Variants in CSNK1G3 observed in about 807,000 individuals in gnomAD.
The protein encoded by CSNK1G3 is casein kinase I isoform gamma-3.
A neutral mutation model predicts 64.3 loss-of-function variants in CSNK1G3; 23 were observed. The observed-to-expected ratio is 0.36, with a 90% CI of 0.26 to 0.51. The LOEUF (loss-of-function observed/expected upper bound fraction) is 0.51. CSNK1G3 is among the 20% of genes least tolerant of loss of function. CSNK1G3 has a pLI of 0.96. For synonymous variants in CSNK1G3, 158 were observed against 162.2 expected, an observed-to-expected ratio of 0.97 and a Z score of 0.20; for missense variants, 357 against 510.5, an observed-to-expected ratio of 0.70 and a Z score of 2.90.
At chr5:123,516,552 G>A (rs970418270) in intron 1 of CSNK1G3, among the ~76,000 whole-genome samples, 7 of 152,052 alleles carry the variant, frequency 4.6e-5, no homozygotes, top group African/African-American at 1.7e-4. Flanking sequence ...CATAGTGATT[G>A]GTTATACTCT....
intron 6 of CSNK1G3, among the ~76,000 whole-genome samples, chr5:123,587,136 T>G (rs1791477741): frequency 6.6e-6 from 1 of 152,168 alleles, no homozygotes; most frequent in African/African-American, 2.4e-5. Flanking sequence ...GTATAGAATG[T>G]TTACACAGTA....
exon 13 of CSNK1G3, chr5:123,614,724 A>G (rs927000308): frequency 3.5e-5 from 7 of 202,616 alleles, no homozygotes; most frequent in African/African-American, 1.4e-4. Flanking sequence ...AAAGCAGTAC[A>G]GTATCTTAAG....
intron 4 of CSNK1G3, among the ~76,000 whole-genome samples, chr5:123,558,106 CT>C (rs1242263555): frequency 1.3e-5 from 2 of 152,156 alleles, no homozygotes; most frequent in African/African-American, 4.8e-5. Context: ...GCTTCTAGTA[CT>C]TTCGCCTAGA....
Position 123,577,583 on chromosome 5 carries a change from C to G in CSNK1G3, c.673+1620C>G, listed in dbSNP as rs1036221868. On this transcript the variant is annotated intron_variant, in intron 6 of 12. Transcript: ENST00000345990. Reference sequence around the variant, plus strand: ...TTTTAACAGTGAGAAATCTGGCTATCACTACTTACAATATATTTACTTGTT... The same window carrying G: ...TTTTAACAGTGAGAAATCTGGCTATGACTACTTACAATATATTTACTTGTT... Among the ~76,000 whole-genome samples, 8 of 151,578 alleles carry G rather than the reference C, an allele frequency of 5.3e-5. No individual in the cohort carries two copies. The East Asian group carries it at 1.5e-3, about 29-fold the overall frequency.
chr5:123,580,299 A>G (rs1789998002), intron 6 of CSNK1G3, among the ~76,000 whole-genome samples: 2 of 152,074 alleles, frequency 1.3e-5, no homozygotes, highest in Middle Eastern at 3.4e-3. Flanking sequence ...GGAACATTAT[A>G]TGGGTTTGTA....
chr5:123,555,107 G>A (rs1392773722), intron 3 of CSNK1G3, among the ~76,000 whole-genome samples: 1 of 152,120 alleles, frequency 6.6e-6, no homozygotes, highest in East Asian at 1.9e-4. Flanking sequence ...TTTTTAGGGG[G>A]AAACATTCTT....
At chr5:123,613,542 T>A (rs781160477) in intron 12 of CSNK1G3, among the ~76,000 whole-genome samples, 12 of 151,874 alleles carry the variant, frequency 7.9e-5, no homozygotes, top group Non-Finnish European at 1.3e-4. Flanking sequence ...GAGAGAGAGA[T>A]ATTTAGAGAT....
chr5:123,580,016 A>G (rs188733972), intron 6 of CSNK1G3, among the ~76,000 whole-genome samples: 116 of 152,132 alleles, frequency 7.6e-4, no homozygotes, highest in Non-Finnish European at 1.2e-3. Context: ...GCCTTTGGAT[A>G]TGGAATACAT....
intron 6 of CSNK1G3, among the ~76,000 whole-genome samples, chr5:123,580,872 G>C (rs1046904194): frequency 3.3e-5 from 5 of 151,862 alleles, no homozygotes; most frequent in African/African-American, 1.2e-4. Flanking sequence ...AGGATTTGAG[G>C]GATAAGTTGG....
At chr5:123,526,593 A>C (rs145411379) in intron 1 of CSNK1G3, among the ~76,000 whole-genome samples, 1 of 152,170 alleles carries the variant, frequency 6.6e-6, no homozygotes, top group Admixed American at 6.5e-5. Context: ...TCCCACTCCT[A>C]GCAGCCACTG....
At chr5:123,558,256 G>A (rs1055407047) in intron 4 of CSNK1G3, among the ~76,000 whole-genome samples, 1 of 152,186 alleles carries the variant, frequency 6.6e-6, no homozygotes, top group Non-Finnish European at 1.5e-5. Flanking sequence ...TGTTACAGCA[G>A]CCGTAGGCAA....
intron 4 of CSNK1G3, among the ~76,000 whole-genome samples, chr5:123,563,767 A>G (rs970611414): frequency 2.0e-5 from 3 of 152,112 alleles, no homozygotes. Flanking sequence ...CTCTATGTAT[A>G]TTATAAGCTG....
chr5:123,537,338 AT>A (rs1272076420), intron 1 of CSNK1G3, among the ~76,000 whole-genome samples: 2 of 152,002 alleles, frequency 1.3e-5, no homozygotes, highest in Non-Finnish European at 2.9e-5. Context: ...AGAAAGTCAG[AT>A]ATCACATGTT....
intron 3 of CSNK1G3, 138 bp downstream of exon 3, chr5:123,553,285 T>C (rs1784034023): frequency 2.4e-6 from 1 of 424,814 alleles, no homozygotes; most frequent in East Asian, 4.0e-5. Context: ...AGCTAATCTT[T>C]GTTGCTAAGC....
exon 13 of CSNK1G3, chr5:123,614,644 A>C (rs2151294384): frequency 2.6e-6 from 1 of 380,530 alleles, no homozygotes; most frequent in Admixed American, 4.2e-5. Flanking sequence ...CAGTGAATGG[A>C]ATGGACCAAT....
chr5:123,571,275 G>GTTTGT (rs916862830), intron 4 of CSNK1G3, among the ~76,000 whole-genome samples: 16 of 152,056 alleles, frequency 1.1e-4, no homozygotes, highest in African/African-American at 1.7e-4. Context: ...TTTTTTGTTT[G>GTTTGT]TTTGTTTTGT....
rs149744335 is a variant in CSNK1G3, at chr5:123,543,019, G to T, written c.-247-2398G>T. Among the ~76,000 whole-genome samples, 568 of 151,814 alleles carry T rather than the reference G, an allele frequency of 3.7e-3. 4 individuals are homozygous for T. The highest frequency in any genetic ancestry group is 6.6e-3 in the Non-Finnish European group (445 of 67,938). On this transcript the variant is annotated intron_variant, in intron 1 of 12. Coordinates refer to ENST00000345990, the Ensembl canonical transcript of CSNK1G3. The stretch of plus-strand genomic sequence containing the variant: ...TCGTATCTTCTAATTCAAACATCAG[G>T]GTCATCTTGGAGTCTGTCTCCTGTG...
At chr5:123,590,420 A>G in exon 9 of CSNK1G3, 1 of 1,440,470 alleles carries the variant, frequency 6.9e-7, no homozygotes, top group African/African-American at 1.5e-5. Flanking sequence ...AAGAAATGGC[A>G]ACATATCTTC....
Position 123,564,548 on chromosome 5 carries a change from A to C in CSNK1G3, c.289+6984A>C, listed in dbSNP as rs1581154357. 2.0e-5 allele frequency among the ~76,000 whole-genome samples: 3 copies of C among 152,132 alleles called. No individual in the cohort carries two copies. The South Asian group carries it at 6.2e-4, about 31-fold the overall frequency. ...AGCTTAGGGACTAGGGGGAAGAATC[A>C]TAGAGTCCATTTTTTCCTTAAATTT... On this transcript the variant is annotated intron_variant, in intron 4 of 12. Transcript: ENST00000345990.
Sources: allele counts gnomAD v4.1 joint callset (sites outside exome capture counted in the v4.1 genomes callset), GRCh38; gene constraint gnomAD v4.1.1; transcripts MANE v1.5; gene names NCBI Gene and HGNC (gene_info 2026-07-23, HGNC 2026-07-21).